Variants in SSBP2 observed in about 807,000 individuals in gnomAD.
The protein encoded by SSBP2 is single-stranded DNA-binding protein 2.
A neutral mutation model predicts 61.8 loss-of-function variants in SSBP2; 17 were observed. That is an observed-to-expected ratio of 0.28 (90% CI 0.19 to 0.41). SSBP2 has a LOEUF of 0.41. Among genes scored for constraint, SSBP2 ranks in the 10% least tolerant of loss-of-function variants. The pLI is 1.00. For missense variants in SSBP2, 310 were observed against 458.7 expected, an observed-to-expected ratio of 0.68 and a Z score of 2.96; for synonymous variants, 139 against 141.3, an observed-to-expected ratio of 0.98 and a Z score of 0.12.
Position 81,602,131 on chromosome 5 carries a change from G to C in SSBP2, c.282+13342C>G, listed in dbSNP as rs75551694. Among the ~76,000 whole-genome samples the C allele has an allele frequency of 6.0e-3, 906 of 152,120 alleles. 7 individuals carry two copies. Among genetic ancestry groups the C allele is most frequent in the African/African-American group, 0.02 (843 of 41,512 alleles). On this transcript the variant is annotated intron_variant, in intron 4 of 16. Coordinates refer to ENST00000320672, the MANE Select transcript of SSBP2 (RefSeq NM_012446.5). Reference sequence around the variant, plus strand: ...CTCTTGTTTCCTCCATCTGAGTCATGCTTCCTTTTCCATAAAAAAAGTAGC... The same window carrying C: ...CTCTTGTTTCCTCCATCTGAGTCATCCTTCCTTTTCCATAAAAAAAGTAGC...
chr5:81,485,144 C>T (rs1766287837), intron 6 of SSBP2, among the ~76,000 whole-genome samples: 1 of 152,138 alleles, frequency 6.6e-6, no homozygotes, highest in South Asian at 2.1e-4. Flanking sequence ...GTTACAGATG[C>T]TTCAATACCA....
At chr5:81,534,856 T>A (rs1215945801) in intron 4 of SSBP2, among the ~76,000 whole-genome samples, 2 of 151,906 alleles carry the variant, frequency 1.3e-5, no homozygotes, top group Non-Finnish European at 2.9e-5. Flanking sequence ...CAGAGAACAT[T>A]AAGTGGGACA....
At chr5:81,538,254 C>A (rs1040314926) in intron 4 of SSBP2, among the ~76,000 whole-genome samples, 3 of 152,178 alleles carry the variant, frequency 2.0e-5, no homozygotes, top group Admixed American at 6.5e-5. Flanking sequence ...GATAGAAGAT[C>A]AAACCAGCCA....
At chr5:81,483,524 A>AGGT (rs879920267) in intron 6 of SSBP2, among the ~76,000 whole-genome samples, 29 of 152,262 alleles carry the variant, frequency 1.9e-4, no homozygotes, top group Non-Finnish European at 2.4e-4. Flanking sequence ...GAGCCTTTAG[A>AGGT]AATACCCACA....
intron 1 of SSBP2, among the ~76,000 whole-genome samples, chr5:81,718,649 G>A (rs557179874): frequency 3.3e-5 from 5 of 152,322 alleles, no homozygotes; most frequent in African/African-American, 4.8e-5. Context: ...TTCTACGTTA[G>A]TTAAATTTAT....
intron 1 of SSBP2, among the ~76,000 whole-genome samples, chr5:81,747,321 C>T (rs1405301695): frequency 6.6e-6 from 1 of 151,946 alleles, no homozygotes; most frequent in East Asian, 1.9e-4. Context: ...TGTTAGAAAC[C>T]CAGCTTTCCT....
At chr5:81,733,472 A>G (rs985299676) in intron 1 of SSBP2, among the ~76,000 whole-genome samples, 2 of 152,144 alleles carry the variant, frequency 1.3e-5, no homozygotes, top group African/African-American at 2.4e-5. Context: ...AGCCACACAG[A>G]CGGAAACTCA....
chr5:81,677,627 C>T (rs1752080979), intron 1 of SSBP2, among the ~76,000 whole-genome samples: 1 of 152,072 alleles, frequency 6.6e-6, no homozygotes, highest in African/African-American at 2.4e-5. Flanking sequence ...GAGAAAAATA[C>T]CCTAATGCCT....
At chr5:81,647,845 G>A (rs2153703443) in intron 2 of SSBP2, among the ~76,000 whole-genome samples, 1 of 152,192 alleles carries the variant, frequency 6.6e-6, no homozygotes, top group African/African-American at 2.4e-5. Context: ...TTTCCACTGA[G>A]CTCAAAGCCT....
chr5:81,537,101 G>A (rs1770866143), intron 4 of SSBP2, among the ~76,000 whole-genome samples: 1 of 152,008 alleles, frequency 6.6e-6, no homozygotes, highest in African/African-American at 2.4e-5. Context: ...TTCGTTAGTT[G>A]ACTTTCTCCA....
intron 1 of SSBP2, among the ~76,000 whole-genome samples, chr5:81,700,159 C>T (rs1753877932): frequency 6.6e-6 from 1 of 152,086 alleles, no homozygotes; most frequent in African/African-American, 2.4e-5. Context: ...AAATGTATTT[C>T]TTAATTAAGA....
chr5:81,650,306 A>G lies in SSBP2; in HGVS notation c.96T>C (p.His32=). Residue 32 remains histidine, a synonymous_variant, in exon 2 of 17, where the codon CAT becomes CAC. Transcript: ENST00000320672. ...TTTGAGCTGATTTCTGAGCTCCTACATGGAGCAGATATTCATATACGTAGA... is the reference window on the plus strand; with the variant it reads ...TTTGAGCTGATTTCTGAGCTCCTACGTGGAGCAGATATTCATATACGTAGA... 2.5e-6 allele frequency: 4 copies of G among 1,593,750 alleles called. No homozygotes were observed. Among genetic ancestry groups the G allele is most frequent in the East Asian group, 2.3e-5 (1 of 44,160 alleles).
intron 4 of SSBP2, among the ~76,000 whole-genome samples, chr5:81,579,359 G>A (rs1004714681): frequency 1.3e-5 from 2 of 151,936 alleles, no homozygotes; most frequent in Non-Finnish European, 2.9e-5. Context: ...GGAGAAGAAA[G>A]GCTAAAGCTT....
At chr5:81,733,836 C>A (rs972624663) in intron 1 of SSBP2, among the ~76,000 whole-genome samples, 5 of 152,180 alleles carry the variant, frequency 3.3e-5, no homozygotes, top group African/African-American at 9.6e-5. Context: ...CTGAATAGGG[C>A]TCTGAATACT....
rs375083658 is a variant in SSBP2, at chr5:81,448,661, G to C, written c.723+129C>G. 1.5e-4 allele frequency: 128 copies of C among 878,474 alleles called. 3 individuals carry two copies. In the South Asian group the frequency reaches 1.8e-3, roughly 12 times the overall value. The allele number at this position is 878,474 out of a possible 1,614,324, so 54.4% of individuals were successfully genotyped here. A position where few individuals can be genotyped will look rare whatever the true frequency, so the allele number is the denominator to read the frequency against. On this transcript the variant is annotated intron_variant, in intron 11 of 16. Coordinates refer to ENST00000320672, the MANE Select transcript of SSBP2 (RefSeq NM_012446.5). ...AACATATGTACTGAGGTTGGCAGAT[G>C]AAACAACTCAAGATGTTCACTTCTT...
chr5:81,418,478 G>T lies in SSBP2; in HGVS notation c.*2026C>A, dbSNP rs1256141863. The T allele has an allele frequency of 1.3e-5, 2 of 152,124 alleles. No individual in the cohort carries two copies. The highest frequency in any genetic ancestry group is 4.8e-5 in the African/African-American group (2 of 41,430). The allele number at this position is 152,124 out of a possible 1,614,324, so 9.4% of individuals were successfully genotyped here. On this transcript the variant is annotated 3_prime_UTR_variant, in exon 17 of 17. Transcript: ENST00000320672. ...ATTTTTACAAGGACTAAATCATTAT[G>T]AATTTGAGAGAAGTAAGTCATCAGG... is the stretch of plus-strand genomic sequence containing the variant.
At chr5:81,592,196 T>C (rs2973344) in intron 4 of SSBP2, among the ~76,000 whole-genome samples, 101,495 of 152,158 alleles carry the variant, frequency 0.67, 34,230 homozygotes, top group East Asian at 0.93. Context: ...TATCCCGCAC[T>C]TGGCTCGGAG....
chr5:81,543,520 G>T (rs994703826), intron 4 of SSBP2, among the ~76,000 whole-genome samples: 1 of 152,026 alleles, frequency 6.6e-6, no homozygotes, highest in African/African-American at 2.4e-5. Flanking sequence ...AGGAAGAGAG[G>T]GAACAAGGGT....
intron 14 of SSBP2, 78 bp downstream of exon 14, chr5:81,440,480 T>C: frequency 8.0e-7 from 1 of 1,256,562 alleles, no homozygotes; most frequent in Non-Finnish European, 1.1e-6. Flanking sequence ...GGAAGAACTT[T>C]GGAAACTGTA....
Sources: gnomAD v4.1 joint callset for allele counts (sites outside exome capture counted in the v4.1 genomes callset) on GRCh38, gnomAD v4.1.1 for gene constraint, MANE v1.5 for transcripts, NCBI Gene and HGNC (gene_info 2026-07-23, HGNC 2026-07-21) for gene names.